Variants in SUPT3H observed in about 807,000 individuals in gnomAD.
SUPT3H encodes the protein SPT3 homolog, SAGA and STAGA complex component, also known as transcription initiation protein SPT3 homolog.
In SUPT3H, 44 loss-of-function variants were observed where a neutral mutation model predicts 44.3. The observed-to-expected ratio is 0.99, with a 90% CI of 0.78 to 1.28. The LOEUF (loss-of-function observed/expected upper bound fraction) is 1.28. SUPT3H is among the 50% of genes most tolerant of loss of function. The pLI is 0.00. For missense variants in SUPT3H, 380 were observed against 387.1 expected (o/e 0.98, Z 0.15); for synonymous variants, 124 against 125.6 (o/e 0.99, Z 0.09).
At chr6:44,909,990 A>G (rs954067581) in intron 10 of SUPT3H, among the ~76,000 whole-genome samples, 2 of 152,210 alleles carry the variant, frequency 1.3e-5, no homozygotes, top group African/African-American at 4.8e-5. Context: ...TGGACAATAC[A>G]TACCAAAAGT....
chr6:45,308,554 T>G (rs1250877547), intron 2 of SUPT3H, among the ~76,000 whole-genome samples: 1 of 152,054 alleles, frequency 6.6e-6, no homozygotes, highest in Non-Finnish European at 1.5e-5. Flanking sequence ...CTGAGAGATT[T>G]TGTCACCACC....
At chr6:45,128,533 AATATAT>A (rs1554257895) in intron 2 of SUPT3H, among the ~76,000 whole-genome samples, 81 of 52,248 alleles carry the variant, frequency 1.6e-3, no homozygotes, top group Admixed American at 2.2e-3. Context: ...AAAAAAAAAA[AATATAT>A]ATATATATAT....
intron 9 of SUPT3H, among the ~76,000 whole-genome samples, chr6:44,943,032 A>G (rs918761698): frequency 1.3e-5 from 2 of 152,224 alleles, no homozygotes; most frequent in Non-Finnish European, 2.9e-5. Context: ...ACAAGAAAGC[A>G]TGACTTATAT....
At chr6:45,124,771 A>G (rs1045129983) in intron 2 of SUPT3H, among the ~76,000 whole-genome samples, 1 of 152,172 alleles carries the variant, frequency 6.6e-6, no homozygotes, top group Non-Finnish European at 1.5e-5. Flanking sequence ...TCCAAAAACA[A>G]TGTATAAAAA....
At chr6:45,051,865 C>T (rs1210775400) in intron 3 of SUPT3H, among the ~76,000 whole-genome samples, 8 of 152,100 alleles carry the variant, frequency 5.3e-5, no homozygotes, top group African/African-American at 1.9e-4. Flanking sequence ...TGAAGTTACA[C>T]AGGAGTTGCA....
intron 6 of SUPT3H, among the ~76,000 whole-genome samples, chr6:44,962,452 T>C (rs955411671): frequency 3.3e-5 from 5 of 152,132 alleles, no homozygotes; most frequent in Admixed American, 1.3e-4. Flanking sequence ...AATTCATCCA[T>C]AGTTTGGTGG....
chr6:44,996,618 T>G (rs1438277053), intron 6 of SUPT3H, among the ~76,000 whole-genome samples: 1 of 151,798 alleles, frequency 6.6e-6, no homozygotes, highest in Non-Finnish European at 1.5e-5. Context: ...AAAAGAAACT[T>G]CTTAAAAGTT....
intron 2 of SUPT3H, among the ~76,000 whole-genome samples, chr6:45,177,349 T>G (rs367852735): frequency 6.6e-6 from 1 of 151,634 alleles, no homozygotes; most frequent in Non-Finnish European, 1.5e-5. Context: ...TGAAATGAAG[T>G]GAGAAGGGAA....
intron 10 of SUPT3H, among the ~76,000 whole-genome samples, chr6:44,870,743 C>T (rs1776269336): frequency 6.6e-6 from 1 of 151,208 alleles, no homozygotes; most frequent in South Asian, 2.1e-4. Context: ...GTACCGGGTT[C>T]ATCTCACTAG....
intron 10 of SUPT3H, among the ~76,000 whole-genome samples, chr6:44,923,424 C>G (rs1005666503): frequency 6.6e-6 from 1 of 152,040 alleles, no homozygotes; most frequent in African/African-American, 2.4e-5. Flanking sequence ...ATGTCATCCA[C>G]TGTTTTATAT....
rs146560391 is a variant in SUPT3H at position 44,924,289 on chromosome 6, T to C, written c.912+8364A>G. On this transcript the variant is annotated intron_variant, in intron 10 of 10. Coordinates refer to ENST00000371459, the MANE Select transcript of SUPT3H (RefSeq NM_003599.4). ...GGCTGTATTTTGAATCAAACTCTTT[T>C]CAATGCTGTGCAATTAAAAATATAC... Among the ~76,000 whole-genome samples, 1,363 of 152,202 alleles carry C rather than the reference T, an allele frequency of 9.0e-3. 13 individuals are homozygous for C. Among genetic ancestry groups the C allele is most frequent in the South Asian group, 0.025 (120 of 4,830 alleles).
intron 2 of SUPT3H, among the ~76,000 whole-genome samples, chr6:45,350,665 G>A (rs1791825810): frequency 1.3e-5 from 2 of 152,134 alleles, no homozygotes; most frequent in South Asian, 2.1e-4. Context: ...CTGCTAAGAT[G>A]TGGTCATAAT....
At chr6:45,060,636 TATC>T (rs1048952953) in intron 3 of SUPT3H, among the ~76,000 whole-genome samples, 42 of 152,102 alleles carry the variant, frequency 2.8e-4, no homozygotes, top group African/African-American at 1.0e-3. Flanking sequence ...CAAAGGAAAC[TATC>T]ATCAGAGTGA....
At chr6:45,098,774 A>G in intron 3 of SUPT3H, 1 of 499,348 alleles carries the variant, frequency 2.0e-6, no homozygotes, top group Non-Finnish European at 4.0e-6. Flanking sequence ...ACCAGTTTGG[A>G]GAGATGCAGA....
intron 10 of SUPT3H, among the ~76,000 whole-genome samples, chr6:44,909,261 C>T (rs958508657): frequency 6.6e-6 from 1 of 151,856 alleles, no homozygotes; most frequent in Non-Finnish European, 1.5e-5. Context: ...CTAGGCTGCT[C>T]AATTTATCTA....
Position 45,020,574 on chromosome 6 carries a change from T to C in SUPT3H, c.245A>G (p.Asp82Gly). 6.2e-7 allele frequency: 1 copy of C among 1,611,512 alleles called. No homozygotes were observed. Among genetic ancestry groups the C allele is most frequent in the Non-Finnish European group, 8.5e-7 (1 of 1,178,334 alleles). Residue 82 changes from aspartate (D) to glycine (G), a missense_variant, in exon 4 of 11, where the codon GAT becomes GGT. Asp to Gly is a moderately conservative substitution (Grantham distance 94). Transcript: ENST00000371459. ...LRGARVITPE[D>G]LLFLMRKDKK... ...ATCTTTGCGCATCAAAAACAGAAGA[T>C]CTTCAGGAGTGATTACCCTTGCTCC...
intron 3 of SUPT3H, among the ~76,000 whole-genome samples, chr6:45,047,581 A>T (rs1789596219): frequency 2.0e-5 from 3 of 152,178 alleles, no homozygotes; most frequent in Admixed American, 6.5e-5. Flanking sequence ...GAAGGTTTTT[A>T]AAAAAGGAGT....
intron 2 of SUPT3H, among the ~76,000 whole-genome samples, chr6:45,135,194 T>G (rs1303521477): frequency 6.6e-6 from 1 of 152,112 alleles, no homozygotes; most frequent in Non-Finnish European, 1.5e-5. Context: ...TGCTAGAAAC[T>G]TTGCCCTCAG....
At chr6:45,274,484 G>A (rs757299444) in intron 2 of SUPT3H, among the ~76,000 whole-genome samples, 2 of 152,170 alleles carry the variant, frequency 1.3e-5, no homozygotes, top group Non-Finnish European at 2.9e-5. Flanking sequence ...TAATATCTAT[G>A]TACGGCATGA....
Sources: allele counts gnomAD v4.1 joint callset (sites outside exome capture counted in the v4.1 genomes callset), GRCh38; gene constraint gnomAD v4.1.1; transcripts MANE v1.5; gene names NCBI Gene and HGNC (gene_info 2026-07-23, HGNC 2026-07-21).